Variants in LRRC4 observed in about 807,000 individuals in gnomAD.
LRRC4 encodes the protein leucine-rich repeat-containing protein 4.
Under a neutral mutation model 37.9 loss-of-function variants are expected in LRRC4, and 11 were observed. The ratio of observed to expected loss-of-function variants is 0.29; its 90% CI spans 0.18 to 0.48. The LOEUF is 0.48. Among genes scored for constraint, LRRC4 ranks in the 20% least tolerant of loss-of-function variants. The pLI, the probability that LRRC4 is intolerant of heterozygous loss-of-function variation, is 0.99. For synonymous variants in LRRC4, 404 were observed against 346.7 expected, an observed-to-expected ratio of 1.17 and a Z score of -1.84; for missense variants, 717 against 842.1, an observed-to-expected ratio of 0.85 and a Z score of 1.84.
rs901833650 is a variant in LRRC4, at chr7:128,030,779, G to C, written c.-100-39C>G. The C allele has an allele frequency of 2.8e-5, 31 of 1,120,300 alleles. No homozygotes were observed. In the South Asian group the frequency reaches 5.1e-4, roughly 18 times the overall value. The allele number at this position is 1,120,300 out of a possible 1,614,324, so 69.4% of individuals were successfully genotyped here. ...TGGGGAGGGGGCGATTAGAGAGACG[G>C]AGCGGATCGGCCGAAAAAAATCCTG... On this transcript the variant is annotated intron_variant, in intron 1 of 1. Transcript: ENST00000249363.
chr7:128,028,888 CTGTTGCTGCTGCGGA>C lies in LRRC4; in HGVS notation c.1738_1752del (p.Ser580_Thr584del). ...TCACCTGATACACCGGACGGAGCTG[CTGTTGCTGCTGCGGA>C]TGTTGCTGCTGGGATGTCTTCGTCC... On this transcript the variant is annotated inframe_deletion, in exon 2 of 2. Coordinates refer to ENST00000249363, the MANE Select transcript of LRRC4 (RefSeq NM_022143.5). 7.4e-6 allele frequency: 12 copies of C among 1,614,038 alleles called. No homozygotes were observed. The highest frequency in any genetic ancestry group is 1.7e-4 in the Middle Eastern group (1 of 6,060).
At chr7:128,031,643 G>A (rs1233370181), upstream of LRRC4, 4 of 147,638 alleles carry the variant, frequency 2.7e-5, no homozygotes, top group Admixed American at 2.0e-4. Context: ...GCTGCGCTCG[G>A]ACCCGGTCCG....
Position 128,029,230 on chromosome 7 carries a change from G to C in LRRC4, c.1411C>G (p.Arg471Gly). Residue 471 changes from arginine to glycine, a missense_variant, in exon 2 of 2, where the codon CGA (arginine) becomes GGA (glycine). Around this residue, in one of 5 missense-constraint regions of LRRC4, gnomAD observed 293 missense variants for 268.3 expected, o/e 1.09. Coordinates refer to ENST00000249363, the MANE Select transcript of LRRC4 (RefSeq NM_022143.5). This position sits in a 1 kb window ranked among gnomAD's most constrained non-coding sequence, Gnocchi z 4.2. ...TTEISPEDTTRKYKPVPTTST... is the reference protein window; with the variant it reads ...TTEISPEDTTGKYKPVPTTST... The stretch of plus-strand genomic sequence containing the variant: ...GTGGTAGGAACAGGCTTGTACTTTC[G>C]CGTTGTGTCCTCAGGCGAGATCTCC... 8 of 1,614,056 alleles carry C rather than the reference G, an allele frequency of 5.0e-6. No individual in the cohort carries two copies. Among genetic ancestry groups the C allele is most frequent in the Non-Finnish European group, 5.9e-6 (7 of 1,180,030 alleles).
Position 128,029,053 on chromosome 7 carries a change from T to C in LRRC4, c.1588A>G (p.Ile530Val), listed in dbSNP as rs1418872092. Residue 530 changes from isoleucine (I) to valine (V), a missense_variant, in exon 2 of 2, where the codon ATT becomes GTT. Physicochemically the swap from Ile to Val is conservative, Grantham distance 29 (BLOSUM62 3). Coordinates refer to ENST00000249363, the MANE Select transcript of LRRC4 (RefSeq NM_022143.5). This position sits in a 1 kb window ranked among gnomAD's most constrained non-coding sequence, Gnocchi z 4.2. Reference protein sequence around the residue: ...DEVMKTTKIIIGCFVAVTLLA... With the variant: ...DEVMKTTKIIVGCFVAVTLLA... The stretch of plus-strand genomic sequence containing the variant: ...AGAGTCACTGCCACAAAGCAGCCAA[T>C]GATGATCTTGGTGGTCTTCATGACT... The C allele has an allele frequency of 1.2e-6, 2 of 1,614,128 alleles. No homozygotes were observed. Among genetic ancestry groups the C allele is most frequent in the Non-Finnish European group, 1.7e-6 (2 of 1,180,012 alleles).
chr7:128,030,220 C>T lies in LRRC4; in HGVS notation c.421G>A (p.Gly141Arg). ...FDNWLTVIPS[G>R]AFEYLSKLRE... ...AGCTTGGACAGGTATTCAAAGGCCC[C>T]GCTAGGGATGACTGTCAGCCAGTTG... Residue 141 changes from glycine (G) to arginine (R), a missense_variant, in exon 2 of 2, where the codon GGG (glycine) becomes AGG (arginine). Around this residue, in one of 5 missense-constraint regions of LRRC4, gnomAD observed 138 missense variants for 261.0 expected, o/e 0.53. Coordinates refer to ENST00000249363, the MANE Select transcript of LRRC4 (RefSeq NM_022143.5). 1 of 1,614,192 alleles carries T rather than the reference C, an allele frequency of 6.2e-7. No individual in the cohort carries two copies. Among genetic ancestry groups the T allele is most frequent in the Non-Finnish European group, 8.5e-7 (1 of 1,180,038 alleles).
chr7:128,028,440 T>C lies in LRRC4; in HGVS notation c.*239A>G. ...GCAGCATAGCAAGTTAACTTGTGGCTTGTACCCCACAACGTTCCCAAGATT... is the reference window on the plus strand; with the variant it reads ...GCAGCATAGCAAGTTAACTTGTGGCCTGTACCCCACAACGTTCCCAAGATT... On this transcript the variant is annotated 3_prime_UTR_variant, in exon 2 of 2. Coordinates refer to ENST00000249363, the MANE Select transcript of LRRC4 (RefSeq NM_022143.5). 1 of 437,020 alleles carries C rather than the reference T, an allele frequency of 2.3e-6. No homozygotes were observed. Among genetic ancestry groups the C allele is most frequent in the South Asian group, 3.7e-5 (1 of 27,352 alleles). 27.1% of individuals were successfully genotyped at this position (437,020 alleles called of 1,614,324 possible).
chr7:128,028,812 T>C lies in LRRC4; in HGVS notation c.1829A>G (p.Tyr610Cys). Residue 610 changes from tyrosine (Y) to cysteine (C), a missense_variant, in exon 2 of 2, where the codon TAC becomes TGC. Coordinates refer to ENST00000249363, the MANE Select transcript of LRRC4 (RefSeq NM_022143.5). ...CCAGTGGGCCCCATGTGCTGGTTTG[T>C]AGGTGTTGTAGTTAATATGGTCATG... is the stretch of plus-strand genomic sequence containing the variant. Reference protein sequence around the residue: ...TIHDHINYNTYKPAHGAHWTE... With the variant: ...TIHDHINYNTCKPAHGAHWTE... The C allele has an allele frequency of 6.2e-7, 1 of 1,614,184 alleles. No individual in the cohort carries two copies. Among genetic ancestry groups the C allele is most frequent in the Non-Finnish European group, 8.5e-7 (1 of 1,180,028 alleles).
At position 128,030,586 on chromosome 7, in the gene LRRC4, G is replaced by A. The variant is rs375835397; in HGVS notation, c.55C>T (p.Leu19Phe). The A allele has an allele frequency of 9.4e-6, 15 of 1,600,982 alleles. No individual in the cohort carries two copies. The highest frequency in any genetic ancestry group is 2.7e-5 in the African/African-American group (2 of 74,760). The stretch of plus-strand genomic sequence containing the variant: ...TGCGCCGTGAGGTAGACGAACGGGA[G>A]CAGGATGGCATTCCAGGTGTGGTGG... ...VHHHTWNAIL[L>F]PFVYLTAQVW... Residue 19 changes from leucine (L) to phenylalanine (F), a missense_variant, in exon 2 of 2, where the codon CTC becomes TTC. Physicochemically the swap from Leu to Phe is conservative, Grantham distance 22. Coordinates refer to ENST00000249363, the MANE Select transcript of LRRC4 (RefSeq NM_022143.5).
rs1018639263 is a variant in LRRC4, at chr7:128,028,520, C to T, written c.*159G>A. 8 of 658,860 alleles carry T rather than the reference C, an allele frequency of 1.2e-5. No homozygotes were observed. In the Admixed American group the frequency reaches 2.2e-4, roughly 18 times the overall value. The allele number at this position is 658,860 out of a possible 1,614,324, so 40.8% of individuals were successfully genotyped here. A position where few individuals can be genotyped will look rare whatever the true frequency, so the allele number is the denominator to read the frequency against. Reference sequence around the variant, plus strand: ...AAGTTAGAAAATATTTTTGTTTTGACTTTTTGTCTTTAAATTTTAATATAA... The same window carrying T: ...AAGTTAGAAAATATTTTTGTTTTGATTTTTTGTCTTTAAATTTTAATATAA... On this transcript the variant is annotated 3_prime_UTR_variant, in exon 2 of 2. Coordinates refer to ENST00000249363, the MANE Select transcript of LRRC4 (RefSeq NM_022143.5).
Position 128,029,232 on chromosome 7 carries a change from G to A in LRRC4, c.1409C>T (p.Thr470Met), listed in dbSNP as rs564369603. Residue 470 changes from threonine to methionine, a missense_variant, in exon 2 of 2, where the codon ACG (threonine) becomes ATG (methionine). By Grantham distance (81) the Thr-to-Met change is moderately conservative (BLOSUM62 -1). This residue lies in a region of LRRC4 where 293 missense variants were observed against 268.3 expected (regional missense o/e 1.09). Coordinates refer to ENST00000249363, the MANE Select transcript of LRRC4 (RefSeq NM_022143.5). The surrounding 1 kb of genome is among the most constrained non-coding windows in gnomAD (Gnocchi z 4.2). ...ETTEISPEDT[T>M]RKYKPVPTTS... is the part of the protein sequence containing the mutation. ...GGTAGGAACAGGCTTGTACTTTCGCGTTGTGTCCTCAGGCGAGATCTCCGT... is the reference window on the plus strand; with the variant it reads ...GGTAGGAACAGGCTTGTACTTTCGCATTGTGTCCTCAGGCGAGATCTCCGT... 69 of 1,614,028 alleles carry A rather than the reference G, an allele frequency of 4.3e-5. No individual in the cohort carries two copies. The highest frequency in any genetic ancestry group is 1.8e-4 in the South Asian group (16 of 91,078).
At position 128,030,299 on chromosome 7, in the gene LRRC4, A is replaced by T. The variant is rs1028755195; in HGVS notation, c.342T>A (p.Ile114=). Residue 114 remains isoleucine, a synonymous_variant, in exon 2 of 2, where the codon ATT becomes ATA. Transcript: ENST00000249363. ...LQLGRNSIRQ[I]EVGAFNGLAS... ...CCAGGCCGTTGAAGGCCCCCACCTC[A>T]ATCTGCCGGATGGAGTTCCTGCCCA... 5 of 1,613,686 alleles carry T rather than the reference A, an allele frequency of 3.1e-6. No individual in the cohort carries two copies. The Admixed American group carries it at 6.7e-5, about 22-fold the overall frequency.
Position 128,030,991 on chromosome 7 carries a change from C to A in LRRC4, c.-179G>T, listed in dbSNP as rs1035600187. On this transcript the variant is annotated 5_prime_UTR_variant, in exon 1 of 2. Transcript: ENST00000249363. ...GGAGCTGGGCACCTCGTTCCCATTC[C>A]GACTTCTTAGTTTTAATTAACAAAA... is the stretch of plus-strand genomic sequence containing the variant. 6.3e-6 allele frequency: 1 copy of A among 157,584 alleles called. No homozygotes were observed. Among genetic ancestry groups the A allele is most frequent in the Non-Finnish European group, 1.4e-5 (1 of 73,506 alleles). The allele number at this position is 157,584 out of a possible 1,614,324, so 9.8% of individuals were successfully genotyped here.
chr7:128,028,562 A>G lies in LRRC4; in HGVS notation c.*117T>C. On this transcript the variant is annotated 3_prime_UTR_variant, in exon 2 of 2. Coordinates refer to ENST00000249363, the MANE Select transcript of LRRC4 (RefSeq NM_022143.5). ...TTAATATAATCTGTTTTTTTTAACC[A>G]GCCCATAGACTTAATATATAAGCAT... The G allele has an allele frequency of 4.4e-6, 4 of 918,034 alleles. No individual in the cohort carries two copies. Among genetic ancestry groups the G allele is most frequent in the Admixed American group, 5.6e-5 (2 of 35,914 alleles). 56.9% of individuals were successfully genotyped at this position (918,034 alleles called of 1,614,324 possible).
Position 128,030,696 on chromosome 7 carries a change from C to G in LRRC4, c.-56G>C. On this transcript the variant is annotated 5_prime_UTR_variant, in exon 2 of 2. Transcript: ENST00000249363. Reference sequence around the variant, plus strand: ...TGGGATTTTGGCTCGGAAAGGAGAACCAGCCCTACCCCGGCTTAAGTGAGC... The same window carrying G: ...TGGGATTTTGGCTCGGAAAGGAGAAGCAGCCCTACCCCGGCTTAAGTGAGC... The G allele has an allele frequency of 1.3e-6, 2 of 1,516,132 alleles. No individual in the cohort carries two copies. 93.9% of individuals were successfully genotyped at this position (1,516,132 alleles called of 1,614,324 possible). A position where few individuals can be genotyped will look rare whatever the true frequency, so the allele number is the denominator to read the frequency against.
upstream of LRRC4, chr7:128,031,739 G>GCGGCGGCGGCCGCAGCCCC (rs1344950336): frequency 6.9e-6 from 1 of 144,418 alleles, no homozygotes; most frequent in Non-Finnish European, 1.5e-5. Flanking sequence ...GGGTCCGGCG[G>GCGGCGGCGGCCGCAGCCCC]CGGCGGCGGC....
At position 128,030,683 on chromosome 7, in the gene LRRC4, T is replaced by G; in HGVS notation, c.-43A>C. The G allele has an allele frequency of 6.6e-7, 1 of 1,522,926 alleles. No individual in the cohort carries two copies. Among genetic ancestry groups the G allele is most frequent in the Non-Finnish European group, 8.8e-7 (1 of 1,132,954 alleles). 94.3% of individuals were successfully genotyped at this position (1,522,926 alleles called of 1,614,324 possible). On this transcript the variant is annotated 5_prime_UTR_variant, in exon 2 of 2. Transcript: ENST00000249363. ...ATTCACCATCGCCTGGGATTTTGGC[T>G]CGGAAAGGAGAACCAGCCCTACCCC...
upstream of LRRC4, chr7:128,031,911 A>AGCGGGGGTCGCGGCT (rs1792626058): frequency 1.3e-5 from 2 of 150,816 alleles, no homozygotes; most frequent in Non-Finnish European, 3.0e-5. Context: ...CGGCGTGAGC[A>AGCGGGGGTCGCGGCT]GCGGGGGTCG....
intron 1 of LRRC4, 61 bp from the exon 2 acceptor site, chr7:128,030,801 C>G (rs1217614410): frequency 4.4e-6 from 4 of 918,436 alleles, no homozygotes; most frequent in Non-Finnish European, 4.7e-6. Context: ...CGAAAAAAAT[C>G]CTGCCAAACT....
chr7:128,028,442 G>A lies in LRRC4; in HGVS notation c.*237C>T. ...AGCATAGCAAGTTAACTTGTGGCTT[G>A]TACCCCACAACGTTCCCAAGATTCC... is the stretch of plus-strand genomic sequence containing the variant. On this transcript the variant is annotated 3_prime_UTR_variant, in exon 2 of 2. Transcript: ENST00000249363. The A allele has an allele frequency of 2.3e-6, 1 of 435,088 alleles. No individual in the cohort carries two copies. The highest frequency in any genetic ancestry group is 3.7e-5 in the South Asian group (1 of 26,722). The allele number at this position is 435,088 out of a possible 1,614,324, so 27.0% of individuals were successfully genotyped here. A position where few individuals can be genotyped will look rare whatever the true frequency, so the allele number is the denominator to read the frequency against.
Sources: gnomAD v4.1 joint callset for allele counts on GRCh38, gnomAD v4.1.1 for gene constraint, gnomAD v4.1.1 regional missense constraint, Gnocchi (gnomAD v3.1) non-coding constraint, MANE v1.5 for transcripts, NCBI Gene and HGNC (gene_info 2026-07-23, HGNC 2026-07-21) for gene names.